The following PFKP variants were observed in gnomAD, a reference collection of about 807,000 sequenced individuals.
PFKP encodes the protein ATP-dependent 6-phosphofructokinase, platelet type.
In PFKP, 101 loss-of-function variants were observed where a neutral mutation model predicts 94.3. The observed-to-expected ratio is 1.07, with a 90% confidence interval of 0.91 to 1.26. The LOEUF (loss-of-function observed/expected upper bound fraction) is 1.26. PFKP is among the 50% of genes most tolerant of loss of function. The pLI is 0.00. For missense variants in PFKP, 1,145 were observed against 1,103.3 expected (o/e 1.04, Z -0.53); for synonymous variants, 573 against 432.6 (o/e 1.32, Z -4.03).
Position 3,134,622 on chromosome 10 carries a change from A to C in PFKP, c.2122+40A>C, listed in dbSNP as rs748542599. ...GAGGGAGGCCACAGCCTCGTGATGCAGGCCGTCCTGCCTTGGTGAAAATGC... is the reference window on the plus strand; with the variant it reads ...GAGGGAGGCCACAGCCTCGTGATGCCGGCCGTCCTGCCTTGGTGAAAATGC... On this transcript the variant is annotated intron_variant, in intron 20 of 21. Transcript: ENST00000381125. 4.3e-5 allele frequency: 56 copies of C among 1,301,344 alleles called. No individual in the cohort carries two copies. In the African/African-American group the frequency reaches 7.4e-4, roughly 17 times the overall value. The allele number at this position is 1,301,344 out of a possible 1,614,324, so 80.6% of individuals were successfully genotyped here. A position where few individuals can be genotyped will look rare whatever the true frequency, so the allele number is the denominator to read the frequency against.
chr10:3,087,298 TTC>T (rs945952326), intron 2 of PFKP, among the ~76,000 whole-genome samples: 1 of 152,138 alleles, frequency 6.6e-6, no homozygotes, highest in Non-Finnish European at 1.5e-5. Flanking sequence ...AACCCATATG[TTC>T]TCTCTGTCTC....
At position 3,103,760 on chromosome 10, in the gene PFKP, C is replaced by A. The variant is rs1835251567; in HGVS notation, c.455-19C>A. The A allele has an allele frequency of 3.1e-6, 5 of 1,613,204 alleles. No homozygotes were observed. The highest frequency in any genetic ancestry group is 4.2e-6 in the Non-Finnish European group (5 of 1,179,620). ...GCCATGGTTACGGCGATGAGACGTG[C>A]TGTTTGCTCCCCGCGCAGGCCAGAT... On this transcript the variant is annotated intron_variant, in intron 4 of 21. Coordinates refer to ENST00000381125, the MANE Select transcript of PFKP (RefSeq NM_002627.5).
Position 3,136,716 on chromosome 10 carries a change from T to C in PFKP, c.*137T>C, listed in dbSNP as rs542. On this transcript the variant is annotated 3_prime_UTR_variant, in exon 22 of 22. Transcript: ENST00000381125. ...GCGAGTGCCCATCTGCCCCACCTGCTCCAGTGCGTGCTGTCTGTGGAGTGT... is the reference window on the plus strand; with the variant it reads ...GCGAGTGCCCATCTGCCCCACCTGCCCCAGTGCGTGCTGTCTGTGGAGTGT... 219,526 of 797,240 alleles carry C rather than the reference T, an allele frequency of 0.28. 30,381 individuals are homozygous for C. The highest frequency in any genetic ancestry group is 0.31 in the East Asian group (10,831 of 34,674). 49.4% of individuals were successfully genotyped at this position (797,240 alleles called of 1,614,324 possible).
At chr10:3,077,771 T>C (rs1447056046) in intron 1 of PFKP, among the ~76,000 whole-genome samples, 3 of 152,146 alleles carry the variant, frequency 2.0e-5, no homozygotes, top group Non-Finnish European at 2.9e-5. Flanking sequence ...CTTACCTGCA[T>C]TGTGGTTTAG....
At chr10:3,121,575 ATAAC>A (rs1837405175) in intron 16 of PFKP, among the ~76,000 whole-genome samples, 2 of 118,500 alleles carry the variant, frequency 1.7e-5, no homozygotes, top group Admixed American at 1.0e-4. Context: ...TCTGCTATAA[ATAAC>A]TGTTTTTTTT....
intron 16 of PFKP, chr10:3,125,137 G>A (rs773075169): frequency 6.2e-5 from 83 of 1,335,856 alleles, no homozygotes; most frequent in South Asian, 1.6e-4. Flanking sequence ...GCACGAGGCC[G>A]CCACCAGGAG....
At chr10:3,095,766 C>A (rs944084494) in intron 2 of PFKP, among the ~76,000 whole-genome samples, 1 of 152,202 alleles carries the variant, frequency 6.6e-6, no homozygotes, top group African/African-American at 2.4e-5. Context: ...AATGAGTCTT[C>A]CTAATTTAGT....
chr10:3,114,732 T>G (rs966499766), intron 13 of PFKP, among the ~76,000 whole-genome samples: 1 of 152,170 alleles, frequency 6.6e-6, no homozygotes, highest in African/African-American at 2.4e-5. Flanking sequence ...GCTCTGGAGC[T>G]GATGCTCACA....
chr10:3,104,857 T>G (rs1450194246), intron 5 of PFKP: 2 of 555,848 alleles, frequency 3.6e-6, no homozygotes, highest in Non-Finnish European at 6.4e-6. Context: ...AGGCAGAAGG[T>G]GTCCAACGTG....
chr10:3,068,633 C>T (rs576239083), intron 1 of PFKP: 4 of 983,582 alleles, frequency 4.1e-6, no homozygotes, highest in East Asian at 1.1e-4. Flanking sequence ...GGATATTTAA[C>T]ATTGAAGAGC....
intron 13 of PFKP, among the ~76,000 whole-genome samples, chr10:3,115,438 TGGG>T (rs1300392525): frequency 0.62 from 46,834 of 75,188 alleles, 19,109 homozygotes; most frequent in East Asian, 0.87. Flanking sequence ...AGGACAGGAC[TGGG>T]GATGCCGGGG....
At position 3,126,904 on chromosome 10, in the gene PFKP, G is replaced by A. The variant is rs371988006; in HGVS notation, c.1684-2915G>A. ...GGGGGCACATCCCATCGTGCAGGGG[G>A]AACGGCTGAGGTCACAGGCTTTGCC... On this transcript the variant is annotated intron_variant, in intron 16 of 21. Coordinates refer to ENST00000381125, the MANE Select transcript of PFKP (RefSeq NM_002627.5). 1.4e-3 allele frequency among the ~76,000 whole-genome samples: 212 copies of A among 152,358 alleles called. 2 individuals are homozygous for A. Among genetic ancestry groups the A allele is most frequent in the African/African-American group, 4.4e-3 (183 of 41,590 alleles).
intron 1 of PFKP, among the ~76,000 whole-genome samples, chr10:3,080,529 AAAAAAAAAAAAG>A: frequency 6.6e-6 from 1 of 150,604 alleles, no homozygotes; most frequent in Non-Finnish European, 1.5e-5. Context: ...AAAAAAAAAA[AAAAAAAAAAAAG>A]AGAATATTGA....
intron 6 of PFKP, 66 bp from the exon 7 acceptor site, chr10:3,105,327 G>A (rs2892549): frequency 4.2e-6 from 6 of 1,417,358 alleles, no homozygotes; most frequent in Admixed American, 3.4e-5. Context: ...GCTGAGCGGG[G>A]TGCCTGGGCT....
At chr10:3,088,660 G>A (rs190498002) in intron 2 of PFKP, among the ~76,000 whole-genome samples, 2 of 152,036 alleles carry the variant, frequency 1.3e-5, no homozygotes, top group East Asian at 1.9e-4. Context: ...TAATTATTAT[G>A]GATACATAAT....
intron 4 of PFKP, 130 bp from the exon 5 acceptor site, chr10:3,103,649 G>T: frequency 1.1e-6 from 1 of 875,154 alleles, no homozygotes; most frequent in Non-Finnish European, 1.8e-6. Context: ...ATAAAGAAAT[G>T]ATACCAATAA....
intron 2 of PFKP, among the ~76,000 whole-genome samples, chr10:3,086,112 A>C (rs1463559950): frequency 6.6e-6 from 1 of 152,088 alleles, no homozygotes; most frequent in Non-Finnish European, 1.5e-5. Context: ...GTATCCTGGG[A>C]GGAGGTTTTT....
intron 2 of PFKP, among the ~76,000 whole-genome samples, chr10:3,091,364 C>T (rs577199381): frequency 5.9e-5 from 9 of 152,108 alleles, no homozygotes; most frequent in South Asian, 2.1e-4. Flanking sequence ...CAAGCTGGGG[C>T]GAGTCAGTTG....
intron 1 of PFKP, among the ~76,000 whole-genome samples, chr10:3,080,356 A>G (rs1832955423): frequency 6.6e-6 from 1 of 152,058 alleles, no homozygotes; most frequent in Non-Finnish European, 1.5e-5. Context: ...TCTCTACTAA[A>G]AATACAAAAA....
Sources: allele counts gnomAD v4.1 joint callset (sites outside exome capture counted in the v4.1 genomes callset), GRCh38; gene constraint gnomAD v4.1.1; transcripts MANE v1.5; gene names NCBI Gene and HGNC (gene_info 2026-07-23, HGNC 2026-07-21).